ZNF737: variants seen among roughly 807,000 people sequenced by gnomAD.
ZNF737 encodes the protein zinc finger protein 102 (Y3).
Under a neutral mutation model 11.7 loss-of-function variants are expected in ZNF737, and 13 were observed. That is an observed-to-expected ratio of 1.11 (90% CI 0.73 to 1.77). ZNF737 has a LOEUF of 1.77. Ranked by LOEUF, ZNF737 falls within the 40% of genes most tolerant of loss-of-function variation. ZNF737 has a pLI of 0.00. For missense variants in ZNF737, 636 were observed against 638.0 expected, an observed-to-expected ratio of 1.00 and a Z score of 0.03; for synonymous variants, 217 against 216.2, an observed-to-expected ratio of 1.00 and a Z score of -0.03.
chr19:20,560,115 G>A (rs539793947), intron 1 of ZNF737, among the ~76,000 whole-genome samples: 2 of 147,286 alleles, frequency 1.4e-5, no homozygotes, highest in South Asian at 2.2e-4. Context: ...GCAGTGAGCC[G>A]AGATTGCGCC....
In ZNF737 at chr19:20,565,669, C is replaced by G. The variant is rs2144720008; in HGVS notation, c.-29G>C. 6.2e-7 allele frequency: 1 copy of G among 1,614,172 alleles called. No homozygotes were observed. The highest frequency in any genetic ancestry group is 8.5e-7 in the Non-Finnish European group (1 of 1,180,038). ...TAGGCTTCCAGGGGCTCCCGGGCGT[C>G]TTAGCTGTGGATCTCCCAATACCTG... On this transcript the variant is annotated 5_prime_UTR_variant, in exon 1 of 4. Transcript: ENST00000427401.
At chr19:20,563,326 A>C (rs1474473582) in intron 1 of ZNF737, among the ~76,000 whole-genome samples, 1 of 150,228 alleles carries the variant, frequency 6.7e-6, no homozygotes, top group Non-Finnish European at 1.5e-5. Context: ...AGTCTTTAGT[A>C]ACATCCTGTT....
In ZNF737 at chr19:20,542,719, A is replaced by T; in HGVS notation, c.*1873T>A. The T allele has an allele frequency of 1.0e-6, 1 of 984,560 alleles. No homozygotes were observed. Among genetic ancestry groups the T allele is most frequent in the Non-Finnish European group, 1.2e-6 (1 of 829,224 alleles). 61.0% of individuals were successfully genotyped at this position (984,560 alleles called of 1,614,324 possible). Reference sequence around the variant, plus strand: ...AAACAGCTTCTCCACTTGTATTTTCATTATGCGTCTTACATTTTAATGTTC... The same window carrying T: ...AAACAGCTTCTCCACTTGTATTTTCTTTATGCGTCTTACATTTTAATGTTC... On this transcript the variant is annotated 3_prime_UTR_variant, in exon 4 of 4. Coordinates refer to ENST00000427401, the MANE Select transcript of ZNF737 (RefSeq NM_001159293.2).
chr19:20,539,749 G>A lies in ZNF737; in HGVS notation c.*4843C>T, dbSNP rs372483235. On this transcript the variant is annotated 3_prime_UTR_variant, in exon 4 of 4. Coordinates refer to ENST00000427401, the MANE Select transcript of ZNF737 (RefSeq NM_001159293.2). ...CAATTAGGTATACTTTTTGAAGTAA[G>A]TTCAATTTTAGGACATTACCCACTG... 50 of 985,088 alleles carry A rather than the reference G, an allele frequency of 5.1e-5. No individual in the cohort carries two copies. Among genetic ancestry groups the A allele is most frequent in the Middle Eastern group, 1.0e-3 (2 of 1,936 alleles). The allele number at this position is 985,088 out of a possible 1,614,324, so 61.0% of individuals were successfully genotyped here. A position where few individuals can be genotyped will look rare whatever the true frequency, so the allele number is the denominator to read the frequency against.
rs75552005 is a variant in ZNF737 at position 20,539,408 on chromosome 19, T to C, written c.*5184A>G. 4.1e-6 allele frequency: 4 copies of C among 985,340 alleles called. No individual in the cohort carries two copies. The African/African-American group carries it at 5.2e-5, about 13-fold the overall frequency. 61.0% of individuals were successfully genotyped at this position (985,340 alleles called of 1,614,324 possible). ...GATTTCAAAAGGTCAAAAACAATCA[T>C]TGAGCAAAGCTTAAATCTTGCCTTT... On this transcript the variant is annotated 3_prime_UTR_variant, in exon 4 of 4. Transcript: ENST00000427401.
chr19:20,530,444 G>A, the ZNF737 span, among the ~76,000 whole-genome samples: 2 of 149,610 alleles, frequency 1.3e-5, no homozygotes, highest in Admixed American at 6.6e-5. Context: ...GGTGGCTGCC[G>A]GGCGGAGACG....
chr19:20,542,764 G>T lies in ZNF737; in HGVS notation c.*1828C>A, dbSNP rs988091853. On this transcript the variant is annotated 3_prime_UTR_variant, in exon 4 of 4. Transcript: ENST00000427401. ...ATGTTCTTACTATTTTATAGAAAAA[G>T]TCATAATGTCCAAATAATGTAAAAA... The T allele has an allele frequency of 1.0e-6, 1 of 984,812 alleles. No homozygotes were observed. The allele number at this position is 984,812 out of a possible 1,614,324, so 61.0% of individuals were successfully genotyped here.
downstream of ZNF737, among the ~76,000 whole-genome samples, chr19:20,531,726 G>A (rs1483347130): frequency 6.7e-6 from 1 of 149,758 alleles, no homozygotes; most frequent in Non-Finnish European, 1.5e-5. Context: ...TCAAAGTGCT[G>A]GGCTTACAGG....
Position 20,543,433 on chromosome 19 carries a change from A to C in ZNF737, c.*1159T>G. 1 of 986,066 alleles carries C rather than the reference A, an allele frequency of 1.0e-6. No homozygotes were observed. Among genetic ancestry groups the C allele is most frequent in the Non-Finnish European group, 1.2e-6 (1 of 829,632 alleles). 61.1% of individuals were successfully genotyped at this position (986,066 alleles called of 1,614,324 possible). ...ACTTTAAAGGCTTATACTTGCTGAA[A>C]GTTTTGACAGTAATTGCCATTTTAA... On this transcript the variant is annotated 3_prime_UTR_variant, in exon 4 of 4. Coordinates refer to ENST00000427401, the MANE Select transcript of ZNF737 (RefSeq NM_001159293.2).
the ZNF737 span, among the ~76,000 whole-genome samples, chr19:20,530,344 C>T: frequency 1.4e-5 from 2 of 143,958 alleles, 1 homozygote; most frequent in Non-Finnish European, 3.1e-5. Flanking sequence ...GACGGGGCAG[C>T]TGGCCGGGCG....
chr19:20,534,432 T>C (rs1226677384), downstream of ZNF737, among the ~76,000 whole-genome samples: 6 of 140,820 alleles, frequency 4.3e-5, no homozygotes, highest in African/African-American at 1.3e-4. Flanking sequence ...AGAGTGAAAC[T>C]CTGTCTCAAA....
intron 1 of ZNF737, among the ~76,000 whole-genome samples, chr19:20,554,063 A>G (rs551156484): frequency 6.8e-4 from 104 of 152,360 alleles, no homozygotes; most frequent in African/African-American, 2.4e-3. Flanking sequence ...TCTAGATAGT[A>G]AAGTGTAAAA....
intron 1 of ZNF737, among the ~76,000 whole-genome samples, chr19:20,555,853 C>G (rs1555760982): frequency 6.6e-6 from 1 of 151,860 alleles, no homozygotes; most frequent in Non-Finnish European, 1.5e-5. Flanking sequence ...CTATCTCCTC[C>G]TTCACTGGAA....
Position 20,545,278 on chromosome 19 carries a change from C to T in ZNF737, c.925G>A (p.Gly309Arg), listed in dbSNP as rs374745797. The T allele has an allele frequency of 6.9e-5, 112 of 1,613,200 alleles. No individual in the cohort carries two copies. Among genetic ancestry groups the T allele is most frequent in the East Asian group, 5.1e-4 (23 of 44,764 alleles). ...TCTTCACATTTGTAGGGTTTCTCTC[C>T]GCTATGAATTATCTTATGCGCAGTA... ...ILTAHKIIHS[G>R]EKPYKCEECG... The change falls in exon 4 of 4, where the codon GGA (glycine) becomes AGA (arginine). Residue 309 changes from glycine (G) to arginine (R), a missense_variant. Physicochemically the swap from Gly to Arg is moderately radical, Grantham distance 125 (BLOSUM62 -2). Transcript: ENST00000427401.
chr19:20,553,276 T>G (rs1269905889), intron 2 of ZNF737, among the ~76,000 whole-genome samples: 1 of 152,116 alleles, frequency 6.6e-6, no homozygotes, highest in Non-Finnish European at 1.5e-5. Flanking sequence ...TTTTTCCCCT[T>G]GAGACAAAAT....
downstream of ZNF737, among the ~76,000 whole-genome samples, chr19:20,532,141 C>A (rs1967845317): frequency 6.7e-6 from 1 of 150,096 alleles, no homozygotes; most frequent in Non-Finnish European, 1.5e-5. Context: ...TCTCCTCATT[C>A]TGTGCATGTT....
chr19:20,544,849 G>T lies in ZNF737; in HGVS notation c.1354C>A (p.Pro452Thr). 2.5e-6 allele frequency: 4 copies of T among 1,613,800 alleles called. No individual in the cohort carries two copies. Among genetic ancestry groups the T allele is most frequent in the Non-Finnish European group, 3.4e-6 (4 of 1,179,902 alleles). ...TTGCCACATTCTTCACATTTGTAGG[G>T]TTTCTCTCCAGTATGAATTCTCTTA... ...THKRIHTGEK[P>T]YKCEECGKAF... The change falls in exon 4 of 4, where the codon CCC (proline) becomes ACC (threonine). Residue 452 changes from proline (P) to threonine (T), a missense_variant. Physicochemically the swap from Pro to Thr is conservative, Grantham distance 38. Transcript: ENST00000427401.
downstream of ZNF737, chr19:20,536,153 G>GA (rs1281430627): frequency 2.8e-3 from 2,691 of 974,860 alleles, 5 homozygotes; most frequent in Middle Eastern, 5.3e-3. Flanking sequence ...ACAAAAAACT[G>GA]AAAAAAAATT....
chr19:20,532,816 A>G (rs1294233271), downstream of ZNF737, among the ~76,000 whole-genome samples: 2 of 149,944 alleles, frequency 1.3e-5, no homozygotes, highest in Non-Finnish European at 3.0e-5. Flanking sequence ...AATGTTCACT[A>G]TCACCCATTT....
Sources: gnomAD v4.1 joint callset for allele counts (sites outside exome capture counted in the v4.1 genomes callset) on GRCh38, gnomAD v4.1.1 for gene constraint, MANE v1.5 for transcripts, NCBI Gene and HGNC (gene_info 2026-07-23, HGNC 2026-07-21) for gene names.